The following CPAP variants were observed in gnomAD, a reference collection of about 807,000 sequenced individuals.
The protein encoded by CPAP is centrosomal P4.1-associated protein.
chr13:24,908,170 T>C, the CPAP span: 3 of 1,344,874 alleles, frequency 2.2e-6, no homozygotes, highest in Non-Finnish European at 3.2e-6. Context: ...AAAAGCATAT[T>C]AATGTCTTAA....
At chr13:24,895,873 G>A in the CPAP span, among the ~76,000 whole-genome samples, 1 of 152,202 alleles carries the variant, frequency 6.6e-6, no homozygotes, top group Non-Finnish European at 1.5e-5. Context: ...ATTCCTCAAT[G>A]ATTACAAGTG....
At chr13:24,910,891 T>C in the CPAP span, among the ~76,000 whole-genome samples, 1 of 152,214 alleles carries the variant, frequency 6.6e-6, no homozygotes, top group Admixed American at 6.5e-5. Flanking sequence ...CCCTAAACCA[T>C]TGTTTATGTG....
the CPAP span, chr13:24,884,572 A>G: frequency 5.7e-6 from 6 of 1,056,418 alleles, no homozygotes; most frequent in Admixed American, 3.5e-5. Flanking sequence ...AATGTAAAAC[A>G]TTCCCTCAAA....
chr13:24,926,478 GTCCCAGTA>G, the CPAP span, among the ~76,000 whole-genome samples: 3 of 152,066 alleles, frequency 2.0e-5, no homozygotes, highest in East Asian at 5.8e-4. Flanking sequence ...AGGGAAACGG[GTCCCAGTA>G]ACATCTTTAA....
At chr13:24,921,270 C>T in the CPAP span, among the ~76,000 whole-genome samples, 2 of 152,216 alleles carry the variant, frequency 1.3e-5, no homozygotes, top group Admixed American at 6.5e-5. Context: ...GACCTGCTGC[C>T]TCCCCAGAAC....
At chr13:24,908,196 C>A in the CPAP span, 1 of 1,072,588 alleles carries the variant, frequency 9.3e-7, no homozygotes, top group Non-Finnish European at 1.4e-6. Flanking sequence ...GAGAATTCTA[C>A]AAGTTACTAT....
chr13:24,902,088 T>C, the CPAP span, among the ~76,000 whole-genome samples: 1 of 152,208 alleles, frequency 6.6e-6, no homozygotes, highest in Non-Finnish European at 1.5e-5. Flanking sequence ...ACTGAGGCTC[T>C]CTGTCACTGA....
chr13:24,932,854 A>G, the CPAP span, among the ~76,000 whole-genome samples: 1 of 152,258 alleles, frequency 6.6e-6, no homozygotes, highest in African/African-American at 2.4e-5. Context: ...AAGCTATGAT[A>G]TTCAATTTTT....
At chr13:24,905,447 T>G in the CPAP span, 1 of 1,614,100 alleles carries the variant, frequency 6.2e-7, no homozygotes, top group Admixed American at 1.7e-5. Flanking sequence ...CATCATCAGC[T>G]CCGATGTAGG....
the CPAP span, among the ~76,000 whole-genome samples, chr13:24,926,446 A>G: frequency 2.6e-5 from 4 of 152,170 alleles, no homozygotes; most frequent in Non-Finnish European, 4.4e-5. Context: ...GTGAGGGGAA[A>G]TCTTAAATAA....
chr13:24,902,346 C>T, the CPAP span, among the ~76,000 whole-genome samples: 3 of 152,084 alleles, frequency 2.0e-5, no homozygotes, highest in Admixed American at 6.5e-5. Flanking sequence ...GAAGCAGAGA[C>T]GTTTTAAAAG....
the CPAP span, chr13:24,883,223 C>T: frequency 1.2e-5 from 19 of 1,613,962 alleles, no homozygotes; most frequent in Non-Finnish European, 1.5e-5. Flanking sequence ...GTCCTTAACT[C>T]TTATCCGACC....
the CPAP span, chr13:24,882,720 T>G: frequency 6.0e-6 from 1 of 166,896 alleles, no homozygotes; most frequent in Non-Finnish European, 1.3e-5. Flanking sequence ...CTGTAGAAGA[T>G]CAAATGGTCT....
At chr13:24,922,158 T>C in the CPAP span, among the ~76,000 whole-genome samples, 7 of 152,220 alleles carry the variant, frequency 4.6e-5, no homozygotes, top group Non-Finnish European at 1.5e-5. Context: ...ACTGACAGCC[T>C]TGAAATCTCC....
At chr13:24,903,188 G>A in the CPAP span, among the ~76,000 whole-genome samples, 2 of 152,332 alleles carry the variant, frequency 1.3e-5, no homozygotes, top group East Asian at 3.9e-4. Flanking sequence ...GGTAGGAGAC[G>A]ATATGTCATA....
At chr13:24,892,951 A>T in the CPAP span, 1 of 981,430 alleles carries the variant, frequency 1.0e-6, no homozygotes, top group Non-Finnish European at 1.6e-6. Context: ...CCCAGCAATG[A>T]AACAGAATAG....
chr13:24,906,469 T>C, the CPAP span: 8 of 1,614,212 alleles, frequency 5.0e-6, no homozygotes, highest in African/African-American at 1.1e-4. Context: ...GAAGTCTGTC[T>C]TTACCTTGTG....
chr13:24,903,218 G>GA, the CPAP span, among the ~76,000 whole-genome samples: 4 of 152,336 alleles, frequency 2.6e-5, no homozygotes, highest in South Asian at 8.3e-4. Flanking sequence ...GCTGTAGGTG[G>GA]AGTTGTGTCC....
At chr13:24,894,041 G>A in the CPAP span, among the ~76,000 whole-genome samples, 4 of 152,090 alleles carry the variant, frequency 2.6e-5, no homozygotes, top group African/African-American at 9.7e-5. Context: ...AGCTGGGGGA[G>A]GCAGCGCGTG....
Sources: gnomAD v4.1 joint callset for allele counts (sites outside exome capture counted in the v4.1 genomes callset) on GRCh38, gnomAD v4.1.1 for gene constraint, MANE v1.5 for transcripts, NCBI Gene and HGNC (gene_info 2026-07-23, HGNC 2026-07-21) for gene names.